Variants in DBF4B observed in about 807,000 individuals in gnomAD.
DBF4B encodes protein DBF4 homolog B.
A neutral mutation model predicts 53.4 loss-of-function variants in DBF4B; 49 were observed. That is an observed-to-expected ratio of 0.92 (90% CI 0.73 to 1.16). The LOEUF is 1.16. DBF4B is among the 50% of genes most tolerant of loss of function. The pLI is 0.00. For synonymous variants in DBF4B, 257 were observed against 288.7 expected (o/e 0.89, Z 1.11); for missense variants, 692 against 775.0 (o/e 0.89, Z 1.27).
Position 44,725,684 on chromosome 17 carries a change from C to CTTTTTTTTTTTTTTTTTTTTTTTT in DBF4B, c.225+2682_225+2683insTTTTTTTTTTTTTTTTTTTTTTTT, listed in dbSNP as rs68091397. 4.0e-3 allele frequency among the ~76,000 whole-genome samples: 346 copies of CTTTTTTTTTTTTTTTTTTTTTTTT among 87,570 alleles called. 27 individuals carry two copies. The highest frequency in any genetic ancestry group is 6.8e-3 in the African/African-American group (142 of 20,838). The allele number at this position is 87,570 out of a possible 152,430, so 57.4% of individuals were successfully genotyped here. On this transcript the variant is annotated intron_variant, in intron 3 of 13. Transcript: ENST00000315005. ...ATCCTGCCTTTGTTTTTTTGTGCTTCTTTTTTTTTTTTTTTTTTTTAAGAG... is the reference window on the plus strand; with the variant it reads ...ATCCTGCCTTTGTTTTTTTGTGCTTCTTTTTTTTTTTTTTTTTTTTTTTTTTTTTTTTTTTTTTTTTTTTAAGAG...
In DBF4B at chr17:44,749,086, C is replaced by T. The variant is rs1417257237; in HGVS notation, c.1189+621C>T. The stretch of plus-strand genomic sequence containing the variant: ...CAGCTGCCCCACAGCTCCAGGCTGG[C>T]CATCAGCTCCCCTGTACTCAGCTAC... On this transcript the variant is annotated intron_variant, in intron 13 of 13. Transcript: ENST00000315005. The surrounding 1 kb of genome is among the most constrained non-coding windows in gnomAD (Gnocchi z 4.4). The T allele has an allele frequency of 7.8e-7, 1 of 1,289,704 alleles. No individual in the cohort carries two copies. The highest frequency in any genetic ancestry group is 1.5e-5 in the African/African-American group (1 of 65,864). The allele number at this position is 1,289,704 out of a possible 1,614,324, so 79.9% of individuals were successfully genotyped here.
chr17:44,749,882 TCC>T lies in DBF4B; in HGVS notation c.1190-709_1190-708del. The T allele has an allele frequency of 2.9e-6, 3 of 1,019,354 alleles. No homozygotes were observed. Among genetic ancestry groups the T allele is most frequent in the Non-Finnish European group, 3.5e-6 (3 of 850,894 alleles). The allele number at this position is 1,019,354 out of a possible 1,614,324, so 63.1% of individuals were successfully genotyped here. On this transcript the variant is annotated intron_variant, in intron 13 of 13. Coordinates refer to ENST00000315005, the MANE Select transcript of DBF4B (RefSeq NM_145663.3). This position sits in a 1 kb window ranked among gnomAD's most constrained non-coding sequence, Gnocchi z 4.4. ...TTCCAAAATGACTGTGTTTGTCCCC[TCC>T]CCCAGCCCCCCACGCTCCCGCACAC...
At chr17:44,720,885 A>G (rs1385308874) in intron 2 of DBF4B, among the ~76,000 whole-genome samples, 3 of 150,812 alleles carry the variant, frequency 2.0e-5, no homozygotes, top group African/African-American at 2.4e-5. Flanking sequence ...TTTTAAGTCA[A>G]TCTCGCTTGG....
chr17:44,741,382 T>C lies in DBF4B; in HGVS notation c.760T>C (p.Ser254Pro). The change falls in exon 10 of 14, where the codon TCT (serine) becomes CCT (proline). Residue 254 changes from serine (S) to proline (P), a missense_variant. Ser to Pro is a moderately conservative substitution (Grantham distance 74). Coordinates refer to ENST00000315005, the MANE Select transcript of DBF4B (RefSeq NM_145663.3). ...HHQFKSFPEI[S>P]FLGPKDASPF... ...TCAGTTTAAATCCTTTCCTGAAATTTCTTTTCTTGGACCCAAAGATGCAAG... is the reference window on the plus strand; with the variant it reads ...TCAGTTTAAATCCTTTCCTGAAATTCCTTTTCTTGGACCCAAAGATGCAAG... The C allele has an allele frequency of 6.2e-7, 1 of 1,613,836 alleles. No individual in the cohort carries two copies. Among genetic ancestry groups the C allele is most frequent in the South Asian group, 1.1e-5 (1 of 91,070 alleles).
At chr17:44,712,505 T>C (rs1261978065) in intron 2 of DBF4B, among the ~76,000 whole-genome samples, 1 of 151,776 alleles carries the variant, frequency 6.6e-6, no homozygotes, top group Non-Finnish European at 1.5e-5. Context: ...GGGGTTTCAC[T>C]GTGTTAGCTA....
At chr17:44,727,862 T>C (rs1974495244) in intron 3 of DBF4B, among the ~76,000 whole-genome samples, 1 of 134,334 alleles carries the variant, frequency 7.4e-6, no homozygotes, top group African/African-American at 2.7e-5. Context: ...CATGCCCGGG[T>C]AATTTTTTTT....
intron 7 of DBF4B, 91 bp downstream of exon 7, chr17:44,734,254 C>A: frequency 6.7e-7 from 1 of 1,489,756 alleles, no homozygotes; most frequent in Non-Finnish European, 9.3e-7. Context: ...CCCAAACCAT[C>A]TCTTCCTGGC....
intron 10 of DBF4B, among the ~76,000 whole-genome samples, chr17:44,746,844 C>A (rs952094921): frequency 6.6e-6 from 1 of 151,286 alleles, no homozygotes; most frequent in African/African-American, 2.4e-5. Context: ...AGAGAGAGGA[C>A]AGAGATAAGA....
At chr17:44,713,033 A>ATT (rs1973023617) in intron 2 of DBF4B, among the ~76,000 whole-genome samples, 1 of 127,158 alleles carries the variant, frequency 7.9e-6, no homozygotes, top group African/African-American at 3.1e-5. Flanking sequence ...ATTTGTATTG[A>ATT]CTTTTTTTTT....
At chr17:44,741,314 G>A in intron 9 of DBF4B, 22 bp from the exon 10 acceptor site, 1 of 1,568,846 alleles carries the variant, frequency 6.4e-7, no homozygotes, top group Non-Finnish European at 8.8e-7. Flanking sequence ...TGTAGTCAAA[G>A]TGGAAGTTTT....
intron 3 of DBF4B, among the ~76,000 whole-genome samples, chr17:44,723,479 C>G (rs1424611371): frequency 6.6e-6 from 1 of 151,916 alleles, no homozygotes; most frequent in African/African-American, 2.4e-5. Flanking sequence ...TTTGGCCAGG[C>G]GCAGTGGCTC....
chr17:44,715,061 A>G (rs1973211234), intron 2 of DBF4B, among the ~76,000 whole-genome samples: 1 of 152,046 alleles, frequency 6.6e-6, no homozygotes, highest in Non-Finnish European at 1.5e-5. Flanking sequence ...AATCTGTAAC[A>G]TCATTTTCTT....
chr17:44,729,728 C>CACACACACACACACACA (rs1190920013), intron 3 of DBF4B, among the ~76,000 whole-genome samples, 177 bp from the exon 4 acceptor site: 10 of 126,198 alleles, frequency 7.9e-5, no homozygotes, highest in African/African-American at 2.8e-4. Context: ...ACACACACAC[C>CACACACACACACACACA]CCATTAGATT....
intron 11 of DBF4B, 90 bp from the exon 12 acceptor site, chr17:44,747,300 AG>A: frequency 6.3e-7 from 1 of 1,597,664 alleles, no homozygotes; most frequent in Non-Finnish European, 8.5e-7. Flanking sequence ...GCTGTCCTCC[AG>A]GGCCAGAGCA....
rs976375101 is a variant in DBF4B, at chr17:44,713,325, G to C, written c.82+3959G>C. Among the ~76,000 whole-genome samples the C allele has an allele frequency of 2.0e-5, 3 of 149,332 alleles. No individual in the cohort carries two copies. In the East Asian group the frequency reaches 6.1e-4, roughly 31 times the overall value. Reference sequence around the variant, plus strand: ...CAAAGTGCTGGGATTACAGGTGTGAGCCACCACGCCCCGCCGACATTATTT... The same window carrying C: ...CAAAGTGCTGGGATTACAGGTGTGACCCACCACGCCCCGCCGACATTATTT... On this transcript the variant is annotated intron_variant, in intron 2 of 13. Coordinates refer to ENST00000315005, the MANE Select transcript of DBF4B (RefSeq NM_145663.3).
rs368648586 is a variant in DBF4B, at chr17:44,711,813, G to T, written c.82+2447G>T. Among the ~76,000 whole-genome samples the T allele has an allele frequency of 2.1e-4, 32 of 151,938 alleles. No individual in the cohort carries two copies. The East Asian group carries it at 3.9e-3, about 18-fold the overall frequency. Reference sequence around the variant, plus strand: ...TAGCCGGGCGTGGTGGCAGGCACCTGTAGTCCCAGCTACTCGGGAGGCTGA... The same window carrying T: ...TAGCCGGGCGTGGTGGCAGGCACCTTTAGTCCCAGCTACTCGGGAGGCTGA... On this transcript the variant is annotated intron_variant, in intron 2 of 13. Coordinates refer to ENST00000315005, the MANE Select transcript of DBF4B (RefSeq NM_145663.3).
chr17:44,750,764 G>T lies in DBF4B; in HGVS notation c.1359G>T (p.Gln453His). Residue 453 changes from glutamine (Q) to histidine (H), a missense_variant, in exon 14 of 14, where the codon CAG (glutamine) becomes CAT (histidine). Physicochemically the swap from Gln to His is conservative, Grantham distance 24. Transcript: ENST00000315005. ...GTCCCTGCCCAGCCTCCTTTACCCA[G>T]TCTCATCTGGTCACTTCCTTGGCTC... ...CLCPCPASFT[Q>H]SHLVTSLALL... The T allele has an allele frequency of 6.2e-7, 1 of 1,614,186 alleles. No homozygotes were observed.
intron 10 of DBF4B, among the ~76,000 whole-genome samples, chr17:44,743,740 G>A (rs1430031989): frequency 6.6e-6 from 1 of 151,576 alleles, no homozygotes; most frequent in Admixed American, 6.6e-5. Flanking sequence ...CCTCCTGAGT[G>A]GTTGGGATTA....
At chr17:44,735,298 T>A (rs1241090579) in intron 7 of DBF4B, among the ~76,000 whole-genome samples, 1 of 152,186 alleles carries the variant, frequency 6.6e-6, no homozygotes, top group African/African-American at 2.4e-5. Flanking sequence ...GAACAGTTTC[T>A]AGGACTCTAT....
Sources: allele counts gnomAD v4.1 joint callset (sites outside exome capture counted in the v4.1 genomes callset), GRCh38; gene constraint gnomAD v4.1.1; non-coding constraint Gnocchi (gnomAD v3.1); transcripts MANE v1.5; gene names NCBI Gene and HGNC (gene_info 2026-07-23, HGNC 2026-07-21).